ZRANB3: variants seen among roughly 807,000 people sequenced by gnomAD.
The protein encoded by ZRANB3 is zinc finger RANBP2-type containing 3.
A neutral mutation model predicts 133.8 loss-of-function variants in ZRANB3; 125 were observed. The ratio of observed to expected loss-of-function variants is 0.93; its 90% CI spans 0.81 to 1.08. The LOEUF (loss-of-function observed/expected upper bound fraction) is 1.08, where lower values mean the gene tolerates loss of function less well. ZRANB3 is among the 50% of genes least tolerant of loss of function. The pLI is 0.00. For missense variants in ZRANB3, 1,229 were observed against 1,275.5 expected, an observed-to-expected ratio of 0.96 and a Z score of 0.56; for synonymous variants, 387 against 432.7, an observed-to-expected ratio of 0.89 and a Z score of 1.31.
At position 135,283,670 on chromosome 2, in the gene ZRANB3, A is replaced by T. The variant is rs1681207250; in HGVS notation, c.967-7915T>A. ...TAAAAACATTCTTGATTTATTTCTA[A>T]ACTCCATCCACTAGTCATGACAATA... On this transcript the variant is annotated intron_variant, in intron 8 of 20. Transcript: ENST00000264159. Among the ~76,000 whole-genome samples, 3 of 152,050 alleles carry T rather than the reference A, an allele frequency of 2.0e-5. 1 individual carries two copies. The South Asian group carries it at 6.2e-4, about 32-fold the overall frequency.
At chr2:135,333,528 T>C (rs1445975758) in intron 6 of ZRANB3, among the ~76,000 whole-genome samples, 5 of 152,204 alleles carry the variant, frequency 3.3e-5, no homozygotes, top group Non-Finnish European at 5.9e-5. Flanking sequence ...TACTCTTCCA[T>C]AGGTTAGAAT....
rs141331074 is a variant in ZRANB3, at chr2:135,353,435, A to G, written c.359+15T>C. The stretch of plus-strand genomic sequence containing the variant: ...GGAAGACTTTTCTCCTTAAATATTA[A>G]ACAGTTGTTCTTACCTAACATCAGT... On this transcript the variant is annotated intron_variant, in intron 4 of 20. Coordinates refer to ENST00000264159, the MANE Select transcript of ZRANB3 (RefSeq NM_032143.4). 6.5e-7 allele frequency: 1 copy of G among 1,539,876 alleles called. No individual in the cohort carries two copies. Among genetic ancestry groups the G allele is most frequent in the African/African-American group, 1.4e-5 (1 of 71,918 alleles).
At chr2:135,471,236 G>T (rs566847243) in intron 2 of ZRANB3, among the ~76,000 whole-genome samples, 4 of 152,108 alleles carry the variant, frequency 2.6e-5, no homozygotes, top group African/African-American at 9.6e-5. Flanking sequence ...GTACATATTG[G>T]CTTTTTCTAG....
chr2:135,308,759 C>A (rs1424118492), intron 8 of ZRANB3, among the ~76,000 whole-genome samples: 1 of 151,998 alleles, frequency 6.6e-6, no homozygotes, highest in Admixed American at 6.6e-5. Context: ...AGCCACCATG[C>A]CTGAGTGAAC....
intron 2 of ZRANB3, among the ~76,000 whole-genome samples, chr2:135,491,885 C>T (rs1254944415): frequency 1.3e-5 from 2 of 152,054 alleles, no homozygotes; most frequent in African/African-American, 4.8e-5. Context: ...AAAAAAATAA[C>T]CAATTGATAT....
At chr2:135,404,142 T>C (rs964167457) in intron 2 of ZRANB3, among the ~76,000 whole-genome samples, 2 of 152,046 alleles carry the variant, frequency 1.3e-5, no homozygotes, top group Admixed American at 6.6e-5. Flanking sequence ...CTTCAGATGA[T>C]CAAACTACTC....
intron 3 of ZRANB3, among the ~76,000 whole-genome samples, chr2:135,353,978 T>C (rs1185890028): frequency 6.6e-6 from 1 of 152,254 alleles, no homozygotes; most frequent in East Asian, 1.9e-4. Flanking sequence ...CACTCCAGCC[T>C]GGGTGACAGA....
intron 2 of ZRANB3, among the ~76,000 whole-genome samples, chr2:135,435,228 A>G (rs1689482579): frequency 6.6e-6 from 1 of 152,114 alleles, no homozygotes; most frequent in Admixed American, 6.5e-5. Context: ...CCCGCTTACA[A>G]GTGAGAACAT....
At chr2:135,432,853 C>T (rs1295053648) in intron 2 of ZRANB3, among the ~76,000 whole-genome samples, 1 of 152,206 alleles carries the variant, frequency 6.6e-6, no homozygotes, top group Non-Finnish European at 1.5e-5. Context: ...CTAGCAGGAA[C>T]ATTCTGTCAC....
chr2:135,406,746 A>G (rs1325120746), intron 2 of ZRANB3, among the ~76,000 whole-genome samples: 1 of 152,238 alleles, frequency 6.6e-6, no homozygotes, highest in Non-Finnish European at 1.5e-5. Flanking sequence ...ATAGATGCAG[A>G]AAAGGCCTTT....
intron 8 of ZRANB3, among the ~76,000 whole-genome samples, chr2:135,306,018 C>G (rs1682674540): frequency 6.6e-6 from 1 of 152,132 alleles, no homozygotes; most frequent in African/African-American, 2.4e-5. Context: ...TTAGAATTCT[C>G]CCTTTGTCTT....
At chr2:135,203,436 G>A (rs1168884995) in intron 19 of ZRANB3, among the ~76,000 whole-genome samples, 2 of 151,796 alleles carry the variant, frequency 1.3e-5, no homozygotes, top group South Asian at 2.1e-4. Flanking sequence ...TGGCTAACAC[G>A]GTGAAACCCC....
At chr2:135,468,747 T>C (rs1364669741) in intron 2 of ZRANB3, among the ~76,000 whole-genome samples, 2 of 152,192 alleles carry the variant, frequency 1.3e-5, no homozygotes, top group African/African-American at 4.8e-5. Flanking sequence ...TTTTTGCCCA[T>C]AGAACTTATT....
At chr2:135,390,848 T>C (rs1364514193) in intron 2 of ZRANB3, 28 bp from the exon 3 acceptor site, 5 of 1,459,922 alleles carry the variant, frequency 3.4e-6, no homozygotes, top group African/African-American at 1.4e-5. Context: ...AAAAAATTAA[T>C]TATCAGAGTG....
At chr2:135,390,112 C>G (rs1342863702) in intron 3 of ZRANB3, among the ~76,000 whole-genome samples, 2 of 151,978 alleles carry the variant, frequency 1.3e-5, no homozygotes, top group Non-Finnish European at 2.9e-5. Flanking sequence ...AACTCCTGGC[C>G]TCATGATCCA....
At chr2:135,200,504 A>G in intron 20 of ZRANB3, 64 bp from the exon 21 acceptor site, 1 of 1,336,964 alleles carries the variant, frequency 7.5e-7, no homozygotes, top group Non-Finnish European at 1.0e-6. Context: ...AAAAGCTCAA[A>G]AACTCTTTAT....
At chr2:135,404,027 C>T (rs1347607526) in intron 2 of ZRANB3, among the ~76,000 whole-genome samples, 3 of 152,174 alleles carry the variant, frequency 2.0e-5, no homozygotes, top group Non-Finnish European at 2.9e-5. Context: ...AAACTGGAAA[C>T]TCTAACAATC....
intron 8 of ZRANB3, among the ~76,000 whole-genome samples, chr2:135,301,814 C>CT (rs1682444936): frequency 6.6e-6 from 1 of 152,148 alleles, no homozygotes; most frequent in Non-Finnish European, 1.5e-5. Flanking sequence ...TAAATACACA[C>CT]TATTGTAGCT....
chr2:135,512,819 A>G (rs951739666), intron 1 of ZRANB3, among the ~76,000 whole-genome samples: 1 of 152,132 alleles, frequency 6.6e-6, no homozygotes, highest in Non-Finnish European at 1.5e-5. Flanking sequence ...GCAAAAACTG[A>G]TAAAAATAAA....
Sources: gnomAD v4.1 joint callset for allele counts (sites outside exome capture counted in the v4.1 genomes callset) on GRCh38, gnomAD v4.1.1 for gene constraint, MANE v1.5 for transcripts, NCBI Gene and HGNC (gene_info 2026-07-23, HGNC 2026-07-21) for gene names.